Variants in ATP8B4 observed in about 807,000 individuals in gnomAD.
ATP8B4 encodes the protein probable phospholipid-transporting ATPase IM.
In ATP8B4, 133 loss-of-function variants were observed where a neutral mutation model predicts 145.6. That is an observed-to-expected ratio of 0.91 (90% confidence interval 0.79 to 1.05). The LOEUF (loss-of-function observed/expected upper bound fraction) is 1.05, where lower values mean the gene tolerates loss of function less well. Ranked by LOEUF, ATP8B4 falls within the 50% of genes least tolerant of loss-of-function variation. The pLI is 0.00. For missense variants in ATP8B4, 1,458 were observed against 1,425.2 expected (o/e 1.02, Z -0.37); for synonymous variants, 507 against 492.9 (o/e 1.03, Z -0.38).
At chr15:50,072,655 T>C (rs1466208564) in intron 3 of ATP8B4, among the ~76,000 whole-genome samples, 1 of 151,838 alleles carries the variant, frequency 6.6e-6, no homozygotes, top group Non-Finnish European at 1.5e-5. Flanking sequence ...GGAGTCTCCC[T>C]CTGTCACCCA....
chr15:49,895,100 A>C (rs2037255575), intron 23 of ATP8B4: 1 of 152,230 alleles, frequency 6.6e-6, no homozygotes, highest in African/African-American at 2.4e-5. Flanking sequence ...GTCTGACAAG[A>C]GGGCTGAAAG....
chr15:49,944,407 G>A (rs1490439929), intron 14 of ATP8B4, among the ~76,000 whole-genome samples: 1 of 152,102 alleles, frequency 6.6e-6, no homozygotes, highest in African/African-American at 2.4e-5. Flanking sequence ...AAACAAAAGA[G>A]AGAAGAGGTG....
At position 50,059,969 on chromosome 15, in the gene ATP8B4, T is replaced by A. The variant is rs563464507; in HGVS notation, c.88-12505A>T. The stretch of plus-strand genomic sequence containing the variant: ...TTTCTTGGTATATAACTCCACAAGA[T>A]GTCAAGCCTGCTTTAGATATTCTCT... On this transcript the variant is annotated intron_variant, in intron 3 of 27. Coordinates refer to ENST00000284509, the MANE Select transcript of ATP8B4 (RefSeq NM_024837.4). 5.3e-5 allele frequency among the ~76,000 whole-genome samples: 8 copies of A among 152,288 alleles called. No homozygotes were observed. In the South Asian group the frequency reaches 1.7e-3, roughly 32 times the overall value.
intron 24 of ATP8B4, 140 bp from the exon 25 acceptor site, chr15:49,876,663 T>C: frequency 8.5e-7 from 1 of 1,177,396 alleles, no homozygotes; most frequent in Non-Finnish European, 1.2e-6. Context: ...CAGGACATTA[T>C]CTTGTTTGTA....
intron 9 of ATP8B4, among the ~76,000 whole-genome samples, chr15:49,996,169 T>C (rs189153953): frequency 6.6e-6 from 1 of 152,088 alleles, no homozygotes; most frequent in Non-Finnish European, 1.5e-5. Flanking sequence ...ACCAACTGAT[T>C]AATAAATCAG....
At chr15:50,059,831 G>A (rs2052875824) in intron 3 of ATP8B4, among the ~76,000 whole-genome samples, 1 of 152,226 alleles carries the variant, frequency 6.6e-6, no homozygotes, top group South Asian at 2.1e-4. Context: ...CTCTGAGGGT[G>A]ACCAGGGGTG....
At chr15:50,008,815 A>C (rs1440902208) in intron 7 of ATP8B4, among the ~76,000 whole-genome samples, 6 of 152,204 alleles carry the variant, frequency 3.9e-5, no homozygotes, top group African/African-American at 1.4e-4. Flanking sequence ...AAGTGAGTCC[A>C]GTCTGATGTT....
chr15:50,012,194 G>A (rs1422421474), intron 6 of ATP8B4, among the ~76,000 whole-genome samples: 2 of 152,086 alleles, frequency 1.3e-5, no homozygotes, highest in Non-Finnish European at 2.9e-5. Context: ...ATCTTTACAG[G>A]TATGAATTAT....
chr15:49,957,222 T>G (rs1226021227), intron 14 of ATP8B4, among the ~76,000 whole-genome samples: 1 of 151,972 alleles, frequency 6.6e-6, no homozygotes, highest in Non-Finnish European at 1.5e-5. Context: ...GAAATAATAA[T>G]CTCATCATTG....
intron 20 of ATP8B4, among the ~76,000 whole-genome samples, chr15:49,907,029 G>A (rs2038697368): frequency 6.6e-6 from 1 of 152,186 alleles, no homozygotes; most frequent in African/African-American, 2.4e-5. Context: ...GAGAGGTGAG[G>A]AAGAGCAGCC....
At chr15:50,136,412 C>G (rs1253155403) in intron 1 of ATP8B4, among the ~76,000 whole-genome samples, 2 of 152,144 alleles carry the variant, frequency 1.3e-5, no homozygotes, top group African/African-American at 4.8e-5. Context: ...TCAAAACATC[C>G]AGGAGAAAAA....
chr15:50,129,182 GT>G (rs565252840), intron 1 of ATP8B4, among the ~76,000 whole-genome samples: 4 of 151,256 alleles, frequency 2.6e-5, no homozygotes, highest in South Asian at 4.2e-4. Flanking sequence ...AATGCAATCT[GT>G]TTTTTTTTCT....
intron 10 of ATP8B4, among the ~76,000 whole-genome samples, chr15:49,986,122 G>C (rs2046578153): frequency 6.6e-6 from 1 of 152,096 alleles, no homozygotes; most frequent in African/African-American, 2.4e-5. Flanking sequence ...GAAGAACTTG[G>C]CCTCTCAGCG....
chr15:50,125,986 G>A (rs997963516), intron 1 of ATP8B4, among the ~76,000 whole-genome samples: 3 of 152,054 alleles, frequency 2.0e-5, no homozygotes, highest in African/African-American at 4.8e-5. Context: ...CTTTTAGGTC[G>A]ATATCTGCCC....
rs532537543 is a variant in ATP8B4, at chr15:50,009,893, T to C, written c.435+952A>G. On this transcript the variant is annotated intron_variant, in intron 7 of 27. Transcript: ENST00000284509. ...ACCAGAGAAATAAGCACTTCTCTACTGAAAGTGTGAACTCTTTTGTGAATG... is the reference window on the plus strand; with the variant it reads ...ACCAGAGAAATAAGCACTTCTCTACCGAAAGTGTGAACTCTTTTGTGAATG... Among the ~76,000 whole-genome samples the C allele has an allele frequency of 1.7e-3, 254 of 152,314 alleles. 2 individuals are homozygous for C. The highest frequency in any genetic ancestry group is 3.4e-3 in the Middle Eastern group (1 of 294).
At chr15:49,895,765 G>C (rs2037332548) in intron 23 of ATP8B4, 1 of 152,176 alleles carries the variant, frequency 6.6e-6, no homozygotes, top group Non-Finnish European at 1.5e-5. Context: ...TAAATGTAGA[G>C]GTTAGAAGTC....
chr15:50,114,611 C>T (rs2057108335), intron 1 of ATP8B4: 1 of 152,336 alleles, frequency 6.6e-6, no homozygotes, highest in African/African-American at 2.4e-5. Flanking sequence ...TTAGGCCGCC[C>T]AAGTTTGCTC....
At chr15:50,001,231 T>C (rs371729982) in intron 8 of ATP8B4, among the ~76,000 whole-genome samples, 1 of 152,164 alleles carries the variant, frequency 6.6e-6, no homozygotes, top group East Asian at 1.9e-4. Context: ...TTTGCTGTTT[T>C]CTAGGGTTTT....
intron 9 of ATP8B4, among the ~76,000 whole-genome samples, chr15:49,988,117 T>G (rs1212626085): frequency 1.3e-5 from 2 of 152,204 alleles, no homozygotes; most frequent in Non-Finnish European, 2.9e-5. Flanking sequence ...GCTTCTTATC[T>G]TGATTAGATT....
Sources: gnomAD v4.1 joint callset for allele counts (sites outside exome capture counted in the v4.1 genomes callset) on GRCh38, gnomAD v4.1.1 for gene constraint, MANE v1.5 for transcripts, NCBI Gene and HGNC (gene_info 2026-07-23, HGNC 2026-07-21) for gene names.